The following C22orf31 variants were observed in gnomAD, a reference collection of about 807,000 sequenced individuals.
C22orf31 encodes uncharacterized protein C22orf31.
C22orf31 carries 11 observed loss-of-function variants against 15.0 expected under a neutral mutation model. The ratio of observed to expected loss-of-function variants is 0.73; its 90% CI spans 0.46 to 1.21. C22orf31 has a LOEUF of 1.21. Ranked by LOEUF, C22orf31 falls within the 50% of genes most tolerant of loss-of-function variation. C22orf31 has a pLI of 0.00. For missense variants in C22orf31, 340 were observed against 347.2 expected (o/e 0.98, Z 0.17); for synonymous variants, 132 against 133.3 (o/e 0.99, Z 0.07).
At chr22:29,071,340 G>A in the C22orf31 span, among the ~76,000 whole-genome samples, 5 of 152,200 alleles carry the variant, frequency 3.3e-5, no homozygotes, top group Non-Finnish European at 7.3e-5. Context: ...CAGAGATCGA[G>A]AGGCCTCGTG....
the C22orf31 span, among the ~76,000 whole-genome samples, chr22:29,067,195 AT>A: frequency 3.3e-5 from 5 of 151,918 alleles, no homozygotes; most frequent in African/African-American, 4.8e-5. Flanking sequence ...TTATTTTAAA[AT>A]ATTGCATTAA....
At chr22:29,066,098 G>C (rs2037427719), upstream of C22orf31, among the ~76,000 whole-genome samples, 2 of 150,390 alleles carry the variant, frequency 1.3e-5, 1 homozygote, top group Admixed American at 1.3e-4. Context: ...CTTCTTTTTA[G>C]CTTCTCTTAG....
upstream of C22orf31, among the ~76,000 whole-genome samples, chr22:29,065,105 C>G (rs1192562185): frequency 6.6e-6 from 1 of 152,040 alleles, no homozygotes. Flanking sequence ...TACCAGCCTT[C>G]ACCTCCCAAA....
At chr22:29,069,133 C>T in the C22orf31 span, among the ~76,000 whole-genome samples, 1 of 152,154 alleles carries the variant, frequency 6.6e-6, no homozygotes, top group African/African-American at 2.4e-5. Flanking sequence ...AACACGATGT[C>T]ACCTTTGGGC....
At chr22:29,067,046 C>G in the C22orf31 span, among the ~76,000 whole-genome samples, 14 of 152,284 alleles carry the variant, frequency 9.2e-5, no homozygotes, top group Admixed American at 4.6e-4. Context: ...AGCCAGAATC[C>G]TGGGAGACTC....
the C22orf31 span, among the ~76,000 whole-genome samples, chr22:29,067,350 G>T: frequency 6.6e-6 from 1 of 151,548 alleles, no homozygotes; most frequent in South Asian, 2.1e-4. Flanking sequence ...CCCCATTCCA[G>T]TCCCAGCTCT....
At position 29,058,711 on chromosome 22, in the gene C22orf31, G is replaced by A; in HGVS notation, c.*31C>T. 1 of 1,510,848 alleles carries A rather than the reference G, an allele frequency of 6.6e-7. No individual in the cohort carries two copies. The highest frequency in any genetic ancestry group is 9.0e-7 in the Non-Finnish European group (1 of 1,109,576). 93.6% of individuals were successfully genotyped at this position (1,510,848 alleles called of 1,614,324 possible). The stretch of plus-strand genomic sequence containing the variant: ...GTGTTTATTTTTCAGATCTCTAGCA[G>A]AGAATACTCTAATCCCATGAGTTCT... On this transcript the variant is annotated 3_prime_UTR_variant, in exon 3 of 3. Transcript: ENST00000216071.
chr22:29,058,957 C>T lies in C22orf31; in HGVS notation c.658G>A (p.Val220Met), dbSNP rs1181421868. Residue 220 changes from valine to methionine, a missense_variant, in exon 3 of 3, where the codon GTG becomes ATG. By Grantham distance (21) the Val-to-Met change is conservative (BLOSUM62 1). Coordinates refer to ENST00000216071, the MANE Select transcript of C22orf31 (RefSeq NM_015370.2). ...TEGYQALYHA[V>M]VEPMLWNPSG... ...GGATTCCACAGCATTGGCTCCACCA[C>T]AGCGTGGTACAGAGCCTGGTAACCC... 2 of 1,614,214 alleles carry T rather than the reference C, an allele frequency of 1.2e-6. No individual in the cohort carries two copies. The highest frequency in any genetic ancestry group is 1.7e-6 in the Non-Finnish European group (2 of 1,180,040).
the C22orf31 span, among the ~76,000 whole-genome samples, chr22:29,071,993 G>A: frequency 6.6e-6 from 1 of 152,176 alleles, no homozygotes; most frequent in Non-Finnish European, 1.5e-5. Flanking sequence ...GATCAGGAAA[G>A]TTGCCCTGGT....
chr22:29,069,427 G>C, the C22orf31 span, among the ~76,000 whole-genome samples: 1 of 152,162 alleles, frequency 6.6e-6, no homozygotes, highest in Non-Finnish European at 1.5e-5. Flanking sequence ...CTGGCTTCTT[G>C]GCCAATCCTG....
At chr22:29,059,285 C>G (rs2123897559) in intron 2 of C22orf31, 103 bp from the exon 3 acceptor site, 1 of 833,122 alleles carries the variant, frequency 1.2e-6, no homozygotes, top group Non-Finnish European at 1.9e-6. Flanking sequence ...CAGCAACAAC[C>G]AACATTTGTC....
rs2037382814 is a variant in C22orf31 at position 29,060,759 on chromosome 22, A to AG, written c.87dup (p.Cys30LeufsTer23). 6.2e-7 allele frequency: 1 copy of AG among 1,614,010 alleles called. No individual in the cohort carries two copies. Among genetic ancestry groups the AG allele is most frequent in the African/African-American group, 1.3e-5 (1 of 74,910 alleles). ...GTGAGAGCCGGTGAGTCCACATAGC[A>AG]GTCCTGAAGCCTGGTATTTAATAAG... On this transcript the variant is annotated frameshift_variant, in exon 2 of 3. Transcript: ENST00000216071. LOFTEE classifies it high-confidence loss of function.
intron 2 of C22orf31, 133 bp from the exon 3 acceptor site, chr22:29,059,315 G>A (rs1402412064): frequency 5.6e-6 from 4 of 709,674 alleles, no homozygotes; most frequent in Non-Finnish European, 6.9e-6. Context: ...CTAGTTTACT[G>A]AATTCCTTTA....
chr22:29,061,066 A>C (rs1253769441), intron 1 of C22orf31, among the ~76,000 whole-genome samples: 1 of 152,144 alleles, frequency 6.6e-6, no homozygotes, highest in Non-Finnish European at 1.5e-5. Context: ...TCAGGCTCTC[A>C]AAGAACATAG....
At chr22:29,065,430 GAA>G (rs134562), upstream of C22orf31, among the ~76,000 whole-genome samples, 1 of 151,554 alleles carries the variant, frequency 6.6e-6, no homozygotes, top group Non-Finnish European at 1.5e-5. Context: ...AAAGAACAAA[GAA>G]AAAAAAATCT....
intron 2 of C22orf31, chr22:29,059,963 C>A: frequency 3.0e-6 from 3 of 984,906 alleles, no homozygotes; most frequent in Non-Finnish European, 3.6e-6. Flanking sequence ...ACCTCCTCCC[C>A]ACATTCTGTC....
At chr22:29,059,542 C>T (rs2037359723) in intron 2 of C22orf31, 2 of 249,742 alleles carry the variant, frequency 8.0e-6, no homozygotes, top group Non-Finnish European at 1.3e-5. Flanking sequence ...TTCATGAAGC[C>T]CTATGAGGGA....
the C22orf31 span, among the ~76,000 whole-genome samples, chr22:29,070,773 G>T: frequency 6.6e-6 from 1 of 151,838 alleles, no homozygotes; most frequent in African/African-American, 2.4e-5. Context: ...AAAAGAAAAA[G>T]AAAAAAAATC....
rs527890850 is a variant in C22orf31 at position 29,059,703 on chromosome 22, C to A, written c.433-521G>T. 23 of 984,768 alleles carry A rather than the reference C, an allele frequency of 2.3e-5. No individual in the cohort carries two copies. In the African/African-American group the frequency reaches 4.0e-4, roughly 17 times the overall value. 61.0% of individuals were successfully genotyped at this position (984,768 alleles called of 1,614,324 possible). A position where few individuals can be genotyped will look rare whatever the true frequency, so the allele number is the denominator to read the frequency against. On this transcript the variant is annotated intron_variant, in intron 2 of 2. Coordinates refer to ENST00000216071, the MANE Select transcript of C22orf31 (RefSeq NM_015370.2). ...CATACCTGGATTCCAATCAGGCCTT[C>A]GTAGGCCAAGTTCTCCATGTGGACG...
Sources: allele counts gnomAD v4.1 joint callset (sites outside exome capture counted in the v4.1 genomes callset), GRCh38; gene constraint gnomAD v4.1.1; transcripts MANE v1.5; gene names NCBI Gene and HGNC (gene_info 2026-07-23, HGNC 2026-07-21).